ZC3H13: variants seen among roughly 807,000 people sequenced by gnomAD.
ZC3H13 encodes zinc finger CCCH-type containing 13.
Under a neutral mutation model 204.1 loss-of-function variants are expected in ZC3H13, and 64 were observed. That is an observed-to-expected ratio of 0.31 (90% CI 0.26 to 0.39). The LOEUF (loss-of-function observed/expected upper bound fraction) is 0.39, where lower values mean the gene tolerates loss of function less well. Among genes scored for constraint, ZC3H13 ranks in the 10% least tolerant of loss-of-function variants. ZC3H13 has a pLI of 1.00. For missense variants in ZC3H13, 1,833 were observed against 2,082.7 expected (o/e 0.88, Z 2.33); for synonymous variants, 667 against 693.7 (o/e 0.96, Z 0.60).
At chr13:45,964,316 G>C (rs1951910369) in intron 16 of ZC3H13, among the ~76,000 whole-genome samples, 1 of 152,154 alleles carries the variant, frequency 6.6e-6, no homozygotes, top group South Asian at 2.1e-4. Flanking sequence ...CCCAATGAAA[G>C]AACTCTATTG....
chr13:46,047,152 G>GT (rs1386738390), intron 1 of ZC3H13, among the ~76,000 whole-genome samples: 3 of 152,108 alleles, frequency 2.0e-5, no homozygotes, highest in African/African-American at 7.2e-5. Context: ...GTTCAATGAG[G>GT]TACTTCAGGT....
chr13:45,960,359 CTATT>C (rs1170192156), intron 17 of ZC3H13, among the ~76,000 whole-genome samples: 1 of 152,180 alleles, frequency 6.6e-6, no homozygotes, highest in Non-Finnish European at 1.5e-5. Context: ...CCATCAACTA[CTATT>C]TAGAGTTTTA....
chr13:46,030,308 A>G (rs951665809), intron 4 of ZC3H13, among the ~76,000 whole-genome samples: 3 of 152,248 alleles, frequency 2.0e-5, no homozygotes, highest in African/African-American at 7.2e-5. Flanking sequence ...TTTCCTGCTA[A>G]CATGAGAAAC....
chr13:45,978,505 G>A (rs1297320588), intron 11 of ZC3H13, among the ~76,000 whole-genome samples: 1 of 151,902 alleles, frequency 6.6e-6, no homozygotes, highest in East Asian at 1.9e-4. Flanking sequence ...ACTACTCTTA[G>A]ATCTAATCCC....
rs188049215 is a variant in ZC3H13 at position 45,993,970 on chromosome 13, T to A, written c.945-4873A>T. Among the ~76,000 whole-genome samples, 9 of 152,368 alleles carry A rather than the reference T, an allele frequency of 5.9e-5. No individual in the cohort carries two copies. In the East Asian group the frequency reaches 1.7e-3, roughly 29 times the overall value. On this transcript the variant is annotated intron_variant, in intron 8 of 18. Transcript: ENST00000679008. ...ATTTTGTTCAGATTTCATTTTTGCA[T>A]GCACAAACGCAGTATGGTTGACTCT... is the stretch of plus-strand genomic sequence containing the variant.
rs539026356 is a variant in ZC3H13 at position 46,024,871 on chromosome 13, T to C, written c.340-4314A>G. 7.2e-5 allele frequency among the ~76,000 whole-genome samples: 11 copies of C among 152,292 alleles called. No homozygotes were observed. The East Asian group carries it at 2.1e-3, about 29-fold the overall frequency. On this transcript the variant is annotated intron_variant, in intron 4 of 18. Coordinates refer to ENST00000679008, the MANE Select transcript of ZC3H13 (RefSeq NM_001330564.2). ...GGAGAAATTCTTCAGCTGGCAACTA[T>C]TGTCAGGTCAAGTCACCCTATTCTA...
At chr13:46,016,529 C>T (rs1247137608) in intron 5 of ZC3H13, among the ~76,000 whole-genome samples, 2 of 152,080 alleles carry the variant, frequency 1.3e-5, no homozygotes, top group Non-Finnish European at 2.9e-5. Context: ...ACACACAAAA[C>T]TAATCAATGG....
rs1188595161 is a variant in ZC3H13, at chr13:46,010,399, T to G, written c.695A>C (p.Lys232Thr). 9.3e-6 allele frequency: 15 copies of G among 1,613,758 alleles called. No homozygotes were observed. The highest frequency in any genetic ancestry group is 1.3e-5 in the Non-Finnish European group (15 of 1,179,816). Residue 232 changes from lysine (K) to threonine (T), a missense_variant, in exon 7 of 19, where the codon AAG becomes ACG. Physicochemically the swap from Lys to Thr is moderately conservative, Grantham distance 78. This residue lies in a region of ZC3H13 where 1,574 missense variants were observed against 1,757.2 expected (regional missense o/e 0.90). Coordinates refer to ENST00000679008, the MANE Select transcript of ZC3H13 (RefSeq NM_001330564.2). ...TACTGCAGATGTCTTCCTATCTTTC[T>G]TGCTAGCTGAAGACGACTTCGGGCT... ...KSSPKSSSAS[K>T]KDRKTSAVSS... is the part of the protein sequence containing the mutation.
intron 4 of ZC3H13, among the ~76,000 whole-genome samples, chr13:46,040,324 C>T (rs2043489640): frequency 1.3e-5 from 2 of 152,070 alleles, no homozygotes; most frequent in East Asian, 1.9e-4. Flanking sequence ...GTTGTTGCTT[C>T]CTTGATTCAG....
intron 6 of ZC3H13, 63 bp from the exon 7 acceptor site, chr13:46,010,568 A>G (rs1407025727): frequency 6.6e-7 from 1 of 1,520,812 alleles, no homozygotes; most frequent in Admixed American, 1.8e-5. Context: ...CAAGACTTAC[A>G]GTATTTTAGA....
intron 4 of ZC3H13, among the ~76,000 whole-genome samples, chr13:46,026,343 T>C (rs996056897): frequency 6.6e-6 from 1 of 152,170 alleles, no homozygotes; most frequent in Non-Finnish European, 1.5e-5. Context: ...GCAGAAACTA[T>C]AGGATATGGA....
intron 15 of ZC3H13, among the ~76,000 whole-genome samples, chr13:45,966,717 T>A (rs892858179): frequency 6.6e-6 from 1 of 152,174 alleles, no homozygotes; most frequent in East Asian, 1.9e-4. Context: ...AAAATTGAGA[T>A]GAAAATGTAA....
intron 11 of ZC3H13, among the ~76,000 whole-genome samples, chr13:45,978,507 T>G (rs1953260198): frequency 6.6e-6 from 1 of 152,056 alleles, no homozygotes; most frequent in African/African-American, 2.4e-5. Flanking sequence ...TACTCTTAGA[T>G]CTAATCCCCA....
intron 8 of ZC3H13, among the ~76,000 whole-genome samples, chr13:45,998,248 T>C (rs958813285): frequency 1.3e-5 from 2 of 152,130 alleles, no homozygotes; most frequent in South Asian, 2.1e-4. Context: ...ATAAAGCAAA[T>C]ATCACAGTTA....
intron 10 of ZC3H13, among the ~76,000 whole-genome samples, chr13:45,983,618 G>A (rs544652505): frequency 2.9e-4 from 44 of 149,268 alleles, no homozygotes; most frequent in Admixed American, 1.1e-3. Context: ...TAGTAGAGAC[G>A]GGGTTTCACT....
At position 45,988,919 on chromosome 13, in the gene ZC3H13, G is replaced by A. The variant is rs1247265797; in HGVS notation, c.1123C>T (p.Pro375Ser). ...TGGGGAGACGACAAAGAATGTGAAG[G>A]ATAAGGAGAGGCAGAGCGTCGTAAA... The part of the protein sequence containing the change: ...PPLRRSASPY[P>S]SHSLSSPQRK... Residue 375 changes from proline (P) to serine (S), a missense_variant, in exon 9 of 19, where the codon CCT (proline) becomes TCT (serine). Pro to Ser is a moderately conservative substitution (Grantham distance 74). Around this residue, in one of 5 missense-constraint regions of ZC3H13, gnomAD observed 1,574 missense variants for 1,757.2 expected, o/e 0.90. Transcript: ENST00000679008. 2 of 1,614,028 alleles carry A rather than the reference G, an allele frequency of 1.2e-6. No homozygotes were observed. The highest frequency in any genetic ancestry group is 1.7e-6 in the Non-Finnish European group (2 of 1,180,034).
chr13:46,042,394 T>C lies in ZC3H13; in HGVS notation c.228-119A>G, dbSNP rs967375389. On this transcript the variant is annotated intron_variant, in intron 3 of 18. Coordinates refer to ENST00000679008, the MANE Select transcript of ZC3H13 (RefSeq NM_001330564.2). Reference sequence around the variant, plus strand: ...ACAGAAATAACCTCACAAATCTCAATACACTTTTTCTAACTGACCTTGACT... The same window carrying C: ...ACAGAAATAACCTCACAAATCTCAACACACTTTTTCTAACTGACCTTGACT... 2.2e-5 allele frequency: 14 copies of C among 634,642 alleles called. No individual in the cohort carries two copies. The South Asian group carries it at 4.1e-4, about 19-fold the overall frequency. 39.3% of individuals were successfully genotyped at this position (634,642 alleles called of 1,614,324 possible).
At chr13:46,009,118 A>G (rs1669311380) in intron 7 of ZC3H13, among the ~76,000 whole-genome samples, 1 of 152,158 alleles carries the variant, frequency 6.6e-6, no homozygotes, top group South Asian at 2.1e-4. Context: ...CCTAAAGGGA[A>G]CAGAACTTAT....
At position 45,999,925 on chromosome 13, in the gene ZC3H13, A is replaced by G. The variant is rs376660866; in HGVS notation, c.944+3214T>C. Reference sequence around the variant, plus strand: ...ACTATTAATCTCTCCTGACATCTTCATCAGAGCTCCTGCGTAAACAGGCAC... The same window carrying G: ...ACTATTAATCTCTCCTGACATCTTCGTCAGAGCTCCTGCGTAAACAGGCAC... On this transcript the variant is annotated intron_variant, in intron 8 of 18. Coordinates refer to ENST00000679008, the MANE Select transcript of ZC3H13 (RefSeq NM_001330564.2). 3.3e-5 allele frequency among the ~76,000 whole-genome samples: 5 copies of G among 152,322 alleles called. 1 individual carries two copies. The South Asian group carries it at 1.0e-3, about 32-fold the overall frequency.
Sources: gnomAD v4.1 joint callset for allele counts (sites outside exome capture counted in the v4.1 genomes callset) on GRCh38, gnomAD v4.1.1 for gene constraint, gnomAD v4.1.1 regional missense constraint, MANE v1.5 for transcripts, NCBI Gene and HGNC (gene_info 2026-07-23, HGNC 2026-07-21) for gene names.